F12: variants seen among roughly 807,000 people sequenced by gnomAD.
F12 encodes the protein Hageman factor.
Under a neutral mutation model 74.8 loss-of-function variants are expected in F12, and 70 were observed. That is an observed-to-expected ratio of 0.94 (90% CI 0.77 to 1.14). F12 has a LOEUF of 1.14. Among genes scored for constraint, F12 ranks in the 50% most tolerant of loss-of-function variants. F12 has a pLI of 0.00. For missense variants in F12, 811 were observed against 835.7 expected (o/e 0.97, Z 0.36); for synonymous variants, 373 against 356.4 (o/e 1.05, Z -0.52).
chr5:177,402,186 G>T lies in F12; in HGVS notation c.*106C>A. On this transcript the variant is annotated 3_prime_UTR_variant, in exon 14 of 14. Coordinates refer to ENST00000253496, the MANE Select transcript of F12 (RefSeq NM_000505.4). ...TATTGAGTTCCTGCGCCATCCTGGC[G>T]CGGAGCTGGCCGCACTGGGGGAATG... 7.0e-7 allele frequency: 1 copy of T among 1,425,582 alleles called. No homozygotes were observed. Among genetic ancestry groups the T allele is most frequent in the South Asian group, 1.2e-5 (1 of 82,934 alleles). The allele number at this position is 1,425,582 out of a possible 1,614,324, so 88.3% of individuals were successfully genotyped here. A position where few individuals can be genotyped will look rare whatever the true frequency, so the allele number is the denominator to read the frequency against.
intron 3 of F12, 31 bp downstream of exon 3, chr5:177,405,931 C>A (rs368701244): frequency 4.2e-5 from 68 of 1,602,130 alleles, no homozygotes; most frequent in Non-Finnish European, 4.3e-6. Context: ...GTCTCCCAGG[C>A]CCCTGCTCCA....
At position 177,405,063 on chromosome 5, in the gene F12, C is replaced by T; in HGVS notation, c.520G>A (p.Ala174Thr). The T allele has an allele frequency of 2.5e-6, 4 of 1,612,612 alleles. No individual in the cohort carries two copies. The highest frequency in any genetic ancestry group is 3.4e-6 in the Non-Finnish European group (4 of 1,179,946). Residue 174 changes from alanine to threonine, a missense_variant, in exon 6 of 14, where the codon GCC becomes ACC. Coordinates refer to ENST00000253496, the MANE Select transcript of F12 (RefSeq NM_000505.4). ...CCAACCATCTGCTCACCCTGGCTGG[C>T]CAGCCGCTGGCAGTGGGCATCAGGA... ...KGPDAHCQRL[A>T]SQACRTNPCL... is the part of the protein sequence containing the mutation.
intron 1 of F12, 42 bp downstream of exon 1, chr5:177,409,429 C>T (rs747239906): frequency 1.9e-6 from 3 of 1,610,004 alleles, no homozygotes; most frequent in African/African-American, 2.7e-5. Flanking sequence ...TAGCGACCCC[C>T]CAGAACAATC....
chr5:177,407,070 T>A (rs566715527), intron 2 of F12, among the ~76,000 whole-genome samples: 7 of 152,332 alleles, frequency 4.6e-5, no homozygotes, highest in African/African-American at 1.4e-4. Context: ...AAGCGTGTGT[T>A]AGACACTTGA....
chr5:177,403,836 G>A, intron 10 of F12, 23 bp downstream of exon 10: 2 of 1,501,744 alleles, frequency 1.3e-6, no homozygotes, highest in Non-Finnish European at 8.9e-7. Flanking sequence ...CCCTGGGGCG[G>A]CTCTGGGCGG....
rs118204456 is a variant in F12 at position 177,404,231 on chromosome 5, G to T, written c.983C>A (p.Thr328Lys). Residue 328 changes from threonine to lysine, a missense_variant, in exon 9 of 14, where the codon ACG (threonine) becomes AAG (lysine). By Grantham distance (78) the Thr-to-Lys change is moderately conservative (BLOSUM62 -1). Coordinates refer to ENST00000253496, the MANE Select transcript of F12 (RefSeq NM_000505.4). ...AQPAPPKPQP[T>K]TRTPPQSQTP... The stretch of plus-strand genomic sequence containing the variant: ...CTGGGACTGAGGCGGGGTCCGGGTC[G>T]TGGGCTGAGGCTTCGGCGGTGCCGG... The T allele has an allele frequency of 6.9e-6, 11 of 1,602,076 alleles. No individual in the cohort carries two copies. The highest frequency in any genetic ancestry group is 1.7e-5 in the Admixed American group (1 of 59,272).
chr5:177,402,771 C>T (rs1763172549), intron 12 of F12, 73 bp from the exon 13 acceptor site: 1 of 1,581,188 alleles, frequency 6.3e-7, no homozygotes, highest in South Asian at 1.1e-5. Context: ...CAAAGCTGCT[C>T]CAGGCGCTTG....
chr5:177,409,328 G>A, intron 1 of F12, 143 bp downstream of exon 1: 13 of 1,054,216 alleles, frequency 1.2e-5, no homozygotes, highest in Non-Finnish European at 1.7e-5. Context: ...CCTCTGCCTG[G>A]GCCTTCCGGG....
At chr5:177,408,519 TGG>T (rs1763339795) in intron 2 of F12, among the ~76,000 whole-genome samples, 3 of 152,204 alleles carry the variant, frequency 2.0e-5, no homozygotes, top group African/African-American at 7.2e-5. Context: ...ATACCTCACA[TGG>T]GTTTCCCTTC....
chr5:177,405,550 G>T lies in F12; in HGVS notation c.287-117C>A. On this transcript the variant is annotated intron_variant, in intron 4 of 13. Coordinates refer to ENST00000253496, the MANE Select transcript of F12 (RefSeq NM_000505.4). ...TTGCTACTCCAAGTTTCCAAGCTTG[G>T]TTTACCCACCTGCAAAATGGGACCA... 7.7e-6 allele frequency: 10 copies of T among 1,295,480 alleles called. No individual in the cohort carries two copies. The South Asian group carries it at 1.1e-4, about 15-fold the overall frequency. The allele number at this position is 1,295,480 out of a possible 1,614,324, so 80.2% of individuals were successfully genotyped here. A position where few individuals can be genotyped will look rare whatever the true frequency, so the allele number is the denominator to read the frequency against.
Position 177,402,186 on chromosome 5 carries a change from G to A in F12, c.*106C>T. On this transcript the variant is annotated 3_prime_UTR_variant, in exon 14 of 14. Transcript: ENST00000253496. ...TATTGAGTTCCTGCGCCATCCTGGC[G>A]CGGAGCTGGCCGCACTGGGGGAATG... is the stretch of plus-strand genomic sequence containing the variant. 7.0e-7 allele frequency: 1 copy of A among 1,425,582 alleles called. No individual in the cohort carries two copies. Among genetic ancestry groups the A allele is most frequent in the Non-Finnish European group, 9.7e-7 (1 of 1,034,010 alleles). 88.3% of individuals were successfully genotyped at this position (1,425,582 alleles called of 1,614,324 possible). A position where few individuals can be genotyped will look rare whatever the true frequency, so the allele number is the denominator to read the frequency against.
Position 177,404,076 on chromosome 5 carries a change from G to A in F12, c.1033C>T (p.Arg345Trp), listed in dbSNP as rs1167172083. The change falls in exon 10 of 14, where the codon CGG becomes TGG. Residue 345 changes from arginine (R) to tryptophan (W), a missense_variant. Physicochemically the swap from Arg to Trp is moderately radical, Grantham distance 101 (BLOSUM62 -3). Transcript: ENST00000253496. ...CTGGTCAGGGAAGGCGGCTGCTCCC[G>A]CTTCGCCGGCAAGGCTGTGGAGGAG... ...SQTPGALPAK[R>W]EQPPSLTRNG... 6.2e-7 allele frequency: 1 copy of A among 1,602,326 alleles called. No homozygotes were observed.
At chr5:177,403,007 G>A in intron 12 of F12, 2 of 695,084 alleles carry the variant, frequency 2.9e-6, no homozygotes, top group Non-Finnish European at 4.7e-6. Flanking sequence ...TTTGCAGCCC[G>A]GCGCCCAGAG....
chr5:177,404,353 C>G lies in F12; in HGVS notation c.861G>C (p.Trp287Cys). ...CFVLNRDRLS[W>C]EYCDLAQCQT... ...GGCACTGTGCCAGGTCGCAGTACTC[C>G]CAGCTCAGCCGGTCGCGGTTCAGCA... Residue 287 changes from tryptophan (W) to cysteine (C), a missense_variant, in exon 9 of 14, where the codon TGG becomes TGC. Physicochemically the swap from Trp to Cys is radical, Grantham distance 215 (BLOSUM62 -2). Transcript: ENST00000253496. The G allele has an allele frequency of 6.2e-7, 1 of 1,611,632 alleles. No individual in the cohort carries two copies. The highest frequency in any genetic ancestry group is 8.5e-7 in the Non-Finnish European group (1 of 1,179,438).
chr5:177,408,522 G>C (rs1347316280), intron 2 of F12, among the ~76,000 whole-genome samples: 1 of 152,242 alleles, frequency 6.6e-6, no homozygotes, highest in East Asian at 1.9e-4. Flanking sequence ...CCTCACATGG[G>C]TTTCCCTTCT....
intron 5 of F12, 35 bp downstream of exon 5, chr5:177,405,288 C>T: frequency 1.9e-6 from 3 of 1,613,722 alleles, no homozygotes; most frequent in African/African-American, 2.7e-5. Context: ...CCCCTGTCCC[C>T]CAGCACCCCG....
At chr5:177,405,624 G>A in intron 4 of F12, 111 bp downstream of exon 4, 3 of 1,255,592 alleles carry the variant, frequency 2.4e-6, no homozygotes, top group Non-Finnish European at 3.5e-6. Flanking sequence ...ATTGTGGAGG[G>A]AGAGAAGGGG....
rs757078734 is a variant in F12 at position 177,409,492 on chromosome 5, C to T, written c.36G>A (p.Val12=). 19 of 1,614,034 alleles carry T rather than the reference C, an allele frequency of 1.2e-5. No individual in the cohort carries two copies. The African/African-American group carries it at 1.9e-4, about 16-fold the overall frequency. ...TCACCGAAAGTGTTGACTCCAAGCT[C>T]ACCAGCAGGAACCCCAGGAGCAGCA... ...RALLLLGFLL[V]SLESTLSIPP... The change falls in exon 1 of 14, where the codon GTG becomes GTA. Residue 12 remains valine (V), a synonymous_variant. Transcript: ENST00000253496.
Position 177,402,191 on chromosome 5 carries a change from G to T in F12, c.*101C>A. The T allele has an allele frequency of 1.4e-6, 2 of 1,473,414 alleles. No homozygotes were observed. The highest frequency in any genetic ancestry group is 1.9e-6 in the Non-Finnish European group (2 of 1,075,026). 91.3% of individuals were successfully genotyped at this position (1,473,414 alleles called of 1,614,324 possible). On this transcript the variant is annotated 3_prime_UTR_variant, in exon 14 of 14. Coordinates refer to ENST00000253496, the MANE Select transcript of F12 (RefSeq NM_000505.4). ...AGTTCCTGCGCCATCCTGGCGCGGA[G>T]CTGGCCGCACTGGGGGAATGGGACA...
Sources: gnomAD v4.1 joint callset for allele counts (sites outside exome capture counted in the v4.1 genomes callset) on GRCh38, gnomAD v4.1.1 for gene constraint, MANE v1.5 for transcripts, NCBI Gene and HGNC (gene_info 2026-07-23, HGNC 2026-07-21) for gene names.